Variants in FAM13B observed in about 807,000 individuals in gnomAD.
FAM13B encodes family with sequence similarity 13 member B.
FAM13B carries 60 observed loss-of-function variants against 117.3 expected under a neutral mutation model. That is an observed-to-expected ratio of 0.51 (90% CI 0.42 to 0.63). FAM13B has a LOEUF of 0.63. FAM13B is among the 30% of genes least tolerant of loss of function. The pLI is 0.00. For synonymous variants in FAM13B, 332 were observed against 356.1 expected (o/e 0.93, Z 0.76); for missense variants, 972 against 1,091.9 (o/e 0.89, Z 1.55).
intron 23 of FAM13B, 21 bp from the exon 24 acceptor site, chr5:137,940,369 T>A (rs1207617030): frequency 1.3e-6 from 2 of 1,566,618 alleles, no homozygotes; most frequent in Non-Finnish European, 1.7e-6. Flanking sequence ...AAATAAAATT[T>A]GTAATGTTCT....
intron 17 of FAM13B, among the ~76,000 whole-genome samples, chr5:137,950,437 G>C (rs1397560370): frequency 6.6e-6 from 1 of 152,148 alleles, no homozygotes; most frequent in Non-Finnish European, 1.5e-5. Context: ...AATCGGCCAA[G>C]GGCAGACTGT....
At chr5:138,040,786 G>A (rs947253255) in intron 1 of FAM13B, among the ~76,000 whole-genome samples, 3 of 151,972 alleles carry the variant, frequency 2.0e-5, no homozygotes, top group Non-Finnish European at 4.4e-5. Flanking sequence ...ACATTAGGCC[G>A]GGCACAGTGG....
chr5:137,945,847 G>A, intron 20 of FAM13B, 55 bp downstream of exon 20: 1 of 1,290,302 alleles, frequency 7.8e-7, no homozygotes, highest in Non-Finnish European at 1.1e-6. Flanking sequence ...AATTTTTTTT[G>A]GGAAGAGTAC....
At chr5:137,959,582 T>A (rs1767561103) in intron 13 of FAM13B, 34 bp downstream of exon 13, 18 of 1,611,488 alleles carry the variant, frequency 1.1e-5, no homozygotes, top group Admixed American at 1.7e-5. Context: ...ACAAGTAACA[T>A]TATCAGGAAA....
chr5:137,988,168 G>A, intron 8 of FAM13B, 106 bp downstream of exon 8: 2 of 793,894 alleles, frequency 2.5e-6, no homozygotes, highest in South Asian at 4.2e-5. Flanking sequence ...TACTGCCTGT[G>A]TACAGTCTTT....
chr5:138,047,024 G>A (rs1791659029), intron 1 of FAM13B, among the ~76,000 whole-genome samples: 1 of 151,982 alleles, frequency 6.6e-6, no homozygotes, highest in African/African-American at 2.4e-5. Context: ...GATTACAGGC[G>A]TGAGCCACCG....
intron 18 of FAM13B, among the ~76,000 whole-genome samples, chr5:137,947,480 G>C (rs1763746718): frequency 6.6e-6 from 1 of 152,078 alleles, no homozygotes; most frequent in Non-Finnish European, 1.5e-5. Flanking sequence ...TGGTGCTGTG[G>C]TTCACACCTA....
chr5:137,945,177 T>C (rs1251573072), intron 20 of FAM13B, among the ~76,000 whole-genome samples: 1 of 152,144 alleles, frequency 6.6e-6, no homozygotes, highest in East Asian at 1.9e-4. Flanking sequence ...GCTGTCTACA[T>C]AAAAATAGCC....
chr5:138,022,832 T>G (rs1787125069), intron 1 of FAM13B, among the ~76,000 whole-genome samples: 1 of 143,446 alleles, frequency 7.0e-6, no homozygotes, highest in African/African-American at 2.5e-5. Context: ...AGCTATTTTC[T>G]TTTTTTTTTT....
intron 1 of FAM13B, among the ~76,000 whole-genome samples, chr5:138,043,728 G>A (rs371599758): frequency 2.0e-5 from 3 of 151,934 alleles, no homozygotes; most frequent in Non-Finnish European, 4.4e-5. Flanking sequence ...GTCAGCCACC[G>A]CACCCGGCCT....
intron 1 of FAM13B, 53 bp downstream of exon 1, chr5:138,032,729 G>C (rs1249021979): frequency 1.0e-6 from 1 of 985,742 alleles, no homozygotes; most frequent in Non-Finnish European, 1.2e-6. Flanking sequence ...GAAGGGCCGC[G>C]GCGACCTGCA....
intron 7 of FAM13B, among the ~76,000 whole-genome samples, chr5:137,990,882 T>C (rs1049749786): frequency 6.6e-6 from 1 of 152,208 alleles, no homozygotes; most frequent in Non-Finnish European, 1.5e-5. Context: ...GAAACTGGCA[T>C]GCATGTTGCT....
At chr5:137,995,682 T>TAAAA (rs1779681705) in intron 7 of FAM13B, among the ~76,000 whole-genome samples, 1 of 152,196 alleles carries the variant, frequency 6.6e-6, no homozygotes, top group Non-Finnish European at 1.5e-5. Context: ...CTTAGGAGTA[T>TAAAA]TTTATACCTA....
Position 137,946,007 on chromosome 5 carries a change from G to GA in FAM13B, c.2245-11dup, listed in dbSNP as rs756714258. On this transcript the variant is annotated splice_polypyrimidine_tract_variant and intron_variant, in intron 19 of 23. Coordinates refer to ENST00000689681, the MANE Select transcript of FAM13B (RefSeq NM_001385994.1). ...TTTCTTCCTTGGTCACCTGAAGCAA[G>GA]AAAAAAAAGAAATTGTCTAGTCATC... The GA allele has an allele frequency of 2.7e-5, 42 of 1,580,570 alleles. No homozygotes were observed. The highest frequency in any genetic ancestry group is 7.1e-5 in the Admixed American group (4 of 56,716).
intron 18 of FAM13B, among the ~76,000 whole-genome samples, chr5:137,947,391 G>A (rs1273077480): frequency 6.6e-6 from 1 of 152,122 alleles, no homozygotes; most frequent in African/African-American, 2.4e-5. Context: ...TTAAACCAAA[G>A]ATAATACATT....
At chr5:138,017,100 T>C (rs1351777522) in intron 4 of FAM13B, among the ~76,000 whole-genome samples, 1 of 152,176 alleles carries the variant, frequency 6.6e-6, no homozygotes, top group Non-Finnish European at 1.5e-5. Flanking sequence ...TAACATTTCG[T>C]TTTAAAACCT....
chr5:137,943,527 A>T (rs1177956668), intron 20 of FAM13B, among the ~76,000 whole-genome samples: 1 of 152,212 alleles, frequency 6.6e-6, no homozygotes, highest in Admixed American at 6.5e-5. Context: ...CAGGCGGATC[A>T]CAGGTAAGGA....
chr5:137,994,528 T>C (rs1779391359), intron 7 of FAM13B, among the ~76,000 whole-genome samples: 1 of 152,180 alleles, frequency 6.6e-6, no homozygotes, highest in South Asian at 2.1e-4. Context: ...CTAAAATATA[T>C]AGATATCACA....
At chr5:138,031,365 T>A (rs1205259240) in intron 1 of FAM13B, among the ~76,000 whole-genome samples, 1 of 152,064 alleles carries the variant, frequency 6.6e-6, no homozygotes, top group Non-Finnish European at 1.5e-5. Flanking sequence ...AAACTATTAC[T>A]CCAATTTTAA....
Sources: allele counts gnomAD v4.1 joint callset (sites outside exome capture counted in the v4.1 genomes callset), GRCh38; gene constraint gnomAD v4.1.1; transcripts MANE v1.5; gene names NCBI Gene and HGNC (gene_info 2026-07-23, HGNC 2026-07-21).